The following ANKRD17 variants were observed in gnomAD, a reference collection of about 807,000 sequenced individuals.
ANKRD17 encodes ankyrin repeat domain 17.
Under a neutral mutation model 229.7 loss-of-function variants are expected in ANKRD17, and 19 were observed. The observed-to-expected ratio is 0.08, with a 90% CI of 0.06 to 0.12. The LOEUF (loss-of-function observed/expected upper bound fraction) is 0.12. Among genes scored for constraint, ANKRD17 ranks in the 10% least tolerant of loss-of-function variants. The pLI, the probability that ANKRD17 is intolerant of heterozygous loss-of-function variation, is 1.00. For synonymous variants in ANKRD17, 1,112 were observed against 1,146.1 expected, an observed-to-expected ratio of 0.97 and a Z score of 0.60; for missense variants, 2,176 against 3,176.8, an observed-to-expected ratio of 0.68 and a Z score of 7.57.
At position 73,075,982 on chromosome 4, in the gene ANKRD17, G is replaced by C. The variant is rs1454676134; in HGVS notation, c.*249C>G. ...CTTCAACAGAAAGTTATGTCCAAAG[G>C]GGAAGAGGGAAAGAAAAAAAGAAAA... On this transcript the variant is annotated 3_prime_UTR_variant, in exon 34 of 34. Coordinates refer to ENST00000358602, the MANE Select transcript of ANKRD17 (RefSeq NM_032217.5). The C allele has an allele frequency of 2.8e-6, 1 of 354,088 alleles. No homozygotes were observed. The highest frequency in any genetic ancestry group is 5.1e-6 in the Non-Finnish European group (1 of 195,082). The allele number at this position is 354,088 out of a possible 1,614,324, so 21.9% of individuals were successfully genotyped here.
chr4:73,142,218 A>T (rs780088755), intron 13 of ANKRD17, 24 bp downstream of exon 13: 1 of 1,524,362 alleles, frequency 6.6e-7, no homozygotes. Flanking sequence ...ATACCATAAA[A>T]TGCTTTAATT....
intron 1 of ANKRD17, among the ~76,000 whole-genome samples, chr4:73,195,150 T>C (rs566547366): frequency 1.3e-5 from 2 of 152,272 alleles, no homozygotes; most frequent in South Asian, 4.1e-4. Context: ...AGTGTGCTGA[T>C]AGTGAATTAC....
At chr4:73,234,232 G>A (rs1025365214) in intron 1 of ANKRD17, among the ~76,000 whole-genome samples, 4 of 152,104 alleles carry the variant, frequency 2.6e-5, no homozygotes, top group African/African-American at 9.7e-5. Flanking sequence ...CTTGATTCAT[G>A]CTGAAATTTT....
At chr4:73,204,881 T>C (rs767749210) in intron 1 of ANKRD17, among the ~76,000 whole-genome samples, 14 of 151,794 alleles carry the variant, frequency 9.2e-5, no homozygotes, top group Non-Finnish European at 1.8e-4. Context: ...AATACACCAA[T>C]AAAAGGGACA....
intron 2 of ANKRD17, among the ~76,000 whole-genome samples, chr4:73,177,108 T>A (rs1006842389): frequency 3.3e-4 from 50 of 152,154 alleles, no homozygotes; most frequent in African/African-American, 1.2e-3. Flanking sequence ...GGTAGGCAAA[T>A]TCACAAATAC....
intron 26 of ANKRD17, among the ~76,000 whole-genome samples, 173 bp downstream of exon 26, chr4:73,097,900 A>G (rs1404299306): frequency 1.3e-5 from 2 of 152,216 alleles, no homozygotes; most frequent in Admixed American, 6.5e-5. Context: ...ATGTCTCATT[A>G]TATAAAATCT....
chr4:73,165,717 G>C (rs914082933), intron 2 of ANKRD17, among the ~76,000 whole-genome samples: 1 of 152,188 alleles, frequency 6.6e-6, no homozygotes, highest in Non-Finnish European at 1.5e-5. Flanking sequence ...GAAAGGCAGA[G>C]ATTTCTTTGG....
chr4:73,180,938 C>T (rs978367092), intron 1 of ANKRD17, among the ~76,000 whole-genome samples: 1 of 152,060 alleles, frequency 6.6e-6, no homozygotes, highest in African/African-American at 2.4e-5. Flanking sequence ...AAAACAAACA[C>T]TTTTTTTGGT....
In ANKRD17 at chr4:73,149,309, G is replaced by GA. The variant is rs201514471; in HGVS notation, c.1330-260dup. Among the ~76,000 whole-genome samples the GA allele has an allele frequency of 3.4e-3, 502 of 148,246 alleles. 4 individuals are homozygous for GA. Among genetic ancestry groups the GA allele is most frequent in the South Asian group, 0.017 (80 of 4,734 alleles). The stretch of plus-strand genomic sequence containing the variant: ...CAATCAAGAAGCTTATTAACCATTA[G>GA]AAAAAAAAACAGTAAGTATGTGAAA... On this transcript the variant is annotated intron_variant, in intron 7 of 33. Transcript: ENST00000358602.
At chr4:73,095,559 G>A (rs1258604712) in intron 27 of ANKRD17, among the ~76,000 whole-genome samples, 1 of 141,472 alleles carries the variant, frequency 7.1e-6, no homozygotes, top group African/African-American at 2.7e-5. Flanking sequence ...CCGAGATCAC[G>A]CCATTGCATT....
intron 1 of ANKRD17, among the ~76,000 whole-genome samples, chr4:73,187,295 A>G (rs1461905018): frequency 6.6e-6 from 1 of 152,230 alleles, no homozygotes; most frequent in Non-Finnish European, 1.5e-5. Context: ...CCCATCCAAG[A>G]AAGGGGCAGC....
chr4:73,200,908 C>A (rs1255656262), intron 1 of ANKRD17, among the ~76,000 whole-genome samples: 1 of 129,346 alleles, frequency 7.7e-6, no homozygotes, highest in Admixed American at 1.0e-4. Context: ...TCTCTCCTTT[C>A]CAACAAAGGC....
rs1346365610 is a variant in ANKRD17 at position 73,155,749 on chromosome 4, T to C, written c.882A>G (p.Glu294=). The part of the protein sequence containing the change: ...QVLLAMHANV[E]DRGIKGDITP... ...TAATGTCACCTTTGATTCCCCTATC[T>C]TCCACATTTGCATGCATTGCCAACA... The change falls in exon 5 of 34, where the codon GAA becomes GAG. Residue 294 remains glutamate (E), a synonymous_variant. Coordinates refer to ENST00000358602, the MANE Select transcript of ANKRD17 (RefSeq NM_032217.5). The C allele has an allele frequency of 1.2e-6, 2 of 1,614,008 alleles. No homozygotes were observed. Among genetic ancestry groups the C allele is most frequent in the Admixed American group, 3.3e-5 (2 of 59,996 alleles).
intron 1 of ANKRD17, among the ~76,000 whole-genome samples, chr4:73,182,994 T>C (rs1312596869): frequency 6.6e-6 from 1 of 151,990 alleles, no homozygotes; most frequent in African/African-American, 2.4e-5. Flanking sequence ...ACAACAAAAA[T>C]CATGAAGGAG....
At chr4:73,250,364 G>A (rs1469303036) in intron 1 of ANKRD17, among the ~76,000 whole-genome samples, 5 of 151,852 alleles carry the variant, frequency 3.3e-5, no homozygotes, top group Non-Finnish European at 7.4e-5. Flanking sequence ...CACTTTGGGG[G>A]CCAAGGCGGG....
intron 1 of ANKRD17, among the ~76,000 whole-genome samples, chr4:73,178,555 G>A (rs1735037780): frequency 6.6e-6 from 1 of 151,444 alleles, no homozygotes; most frequent in Non-Finnish European, 1.5e-5. Flanking sequence ...CATGGCCTTC[G>A]GGTCCATAAG....
chr4:73,187,754 G>A (rs995185396), intron 1 of ANKRD17, among the ~76,000 whole-genome samples: 1 of 152,060 alleles, frequency 6.6e-6, no homozygotes, highest in Non-Finnish European at 1.5e-5. Context: ...CAAGAACCTG[G>A]ACATCCTCCA....
chr4:73,208,202 A>C (rs927225625), intron 1 of ANKRD17, among the ~76,000 whole-genome samples: 6 of 151,558 alleles, frequency 4.0e-5, no homozygotes, highest in Non-Finnish European at 8.8e-5. Flanking sequence ...AAAAAAAAAA[A>C]AAAAAAAAAA....
At chr4:73,146,727 T>G in intron 10 of ANKRD17, 37 bp downstream of exon 10, 1 of 1,388,730 alleles carries the variant, frequency 7.2e-7, no homozygotes, top group South Asian at 1.4e-5. Context: ...AATTTCTTAT[T>G]GTTAAATATT....
Sources: gnomAD v4.1 joint callset for allele counts (sites outside exome capture counted in the v4.1 genomes callset) on GRCh38, gnomAD v4.1.1 for gene constraint, MANE v1.5 for transcripts, NCBI Gene and HGNC (gene_info 2026-07-23, HGNC 2026-07-21) for gene names.